Variants in TRPS1 observed in about 807,000 individuals in gnomAD.
The protein encoded by TRPS1 is zinc finger transcription factor Trps1.
In TRPS1, 6 loss-of-function variants were observed where a neutral mutation model predicts 101.2. That is an observed-to-expected ratio of 0.06 (90% CI 0.03 to 0.12). TRPS1 has a LOEUF of 0.12. TRPS1 is among the 10% of genes least tolerant of loss of function. TRPS1 has a pLI of 1.00. For synonymous variants in TRPS1, 578 were observed against 589.8 expected, an observed-to-expected ratio of 0.98 and a Z score of 0.29; for missense variants, 1,363 against 1,567.0, an observed-to-expected ratio of 0.87 and a Z score of 2.20.
Position 115,492,498 on chromosome 8 carries a change from C to T in TRPS1, c.2701-74046G>A, listed in dbSNP as rs75806961. On this transcript the variant is annotated intron_variant, in intron 5 of 6. Transcript: ENST00000395715. ...GTGTGTGTGCGTGCGTGTGCGTGTT[C>T]GTGTGTGTGTGTATGGGTTTAATTC... 4.9e-5 allele frequency among the ~76,000 whole-genome samples: 7 copies of T among 141,580 alleles called. No individual in the cohort carries two copies. The East Asian group carries it at 6.0e-4, about 12-fold the overall frequency. 92.9% of individuals were successfully genotyped at this position (141,580 alleles called of 152,430 possible).
At chr8:115,422,892 A>G (rs1813102294) in intron 5 of TRPS1, among the ~76,000 whole-genome samples, 1 of 152,208 alleles carries the variant, frequency 6.6e-6, no homozygotes, top group South Asian at 2.1e-4. Flanking sequence ...CATATGGATA[A>G]GATCAGTGCT....
chr8:115,619,538 C>T lies in TRPS1; in HGVS notation c.560G>A (p.Cys187Tyr), dbSNP rs2130532136. Residue 187 changes from cysteine to tyrosine, a missense_variant, in exon 3 of 7, where the codon TGT becomes TAT. Cys to Tyr is a radical substitution (Grantham distance 194). This residue lies in a region of TRPS1 where 1,020 missense variants were observed against 1,073.0 expected (regional missense o/e 0.95). Transcript: ENST00000395715. ...CACTGAAACTGGGCTCAAACCTTGACAATTGGCTTGACCACTCTGTGCTTG... is the reference window on the plus strand; with the variant it reads ...CACTGAAACTGGGCTCAAACCTTGATAATTGGCTTGACCACTCTGTGCTTG... Reference protein sequence around the residue: ...TGQAQSGQANCQGLSPVSVAS... With the variant: ...TGQAQSGQANYQGLSPVSVAS... The T allele has an allele frequency of 1.2e-6, 2 of 1,614,190 alleles. No homozygotes were observed. Among genetic ancestry groups the T allele is most frequent in the East Asian group, 4.5e-5 (2 of 44,880 alleles).
intron 5 of TRPS1, among the ~76,000 whole-genome samples, chr8:115,450,806 C>T (rs2129925507): frequency 6.6e-6 from 1 of 152,300 alleles, no homozygotes; most frequent in East Asian, 1.9e-4. Context: ...AGCCTTGGGA[C>T]AGCGTTTTAG....
intron 5 of TRPS1, among the ~76,000 whole-genome samples, chr8:115,551,797 A>G (rs969597809): frequency 6.6e-6 from 1 of 152,210 alleles, no homozygotes; most frequent in African/African-American, 2.4e-5. Context: ...CGGAAGTAAA[A>G]TGCATTTTAT....
At chr8:115,597,559 G>A (rs899626024) in intron 4 of TRPS1, among the ~76,000 whole-genome samples, 1 of 151,980 alleles carries the variant, frequency 6.6e-6, no homozygotes, top group African/African-American at 2.4e-5. Context: ...TACAGAATTT[G>A]TATATTTTTA....
intron 4 of TRPS1, 25 bp downstream of exon 4, chr8:115,603,847 TC>T: frequency 1.2e-6 from 2 of 1,613,284 alleles, no homozygotes; most frequent in Non-Finnish European, 1.7e-6. Flanking sequence ...TGTATATTCC[TC>T]CCGACCCCAC....
chr8:115,641,319 C>T (rs1337108887), intron 1 of TRPS1, among the ~76,000 whole-genome samples: 1 of 152,168 alleles, frequency 6.6e-6, no homozygotes, highest in South Asian at 2.1e-4. Flanking sequence ...CGCATTGTTT[C>T]TTGGCATTGC....
At chr8:115,472,469 G>A (rs1194704264) in intron 5 of TRPS1, among the ~76,000 whole-genome samples, 1 of 152,184 alleles carries the variant, frequency 6.6e-6, no homozygotes, top group Non-Finnish European at 1.5e-5. Flanking sequence ...GGCCTGTGAT[G>A]GAGGGGCTGC....
chr8:115,471,372 A>T (rs974022391), intron 5 of TRPS1, among the ~76,000 whole-genome samples: 2 of 152,312 alleles, frequency 1.3e-5, no homozygotes, highest in Admixed American at 6.5e-5. Flanking sequence ...AAGCCATCAG[A>T]TATCTTGTGA....
intron 1 of TRPS1, among the ~76,000 whole-genome samples, chr8:115,643,205 G>A (rs1818943358): frequency 6.6e-6 from 1 of 152,076 alleles, no homozygotes; most frequent in Non-Finnish European, 1.5e-5. Flanking sequence ...GCTGAAGCTG[G>A]GGGTGTCTAT....
chr8:115,549,560 C>A (rs1586391513), intron 5 of TRPS1, among the ~76,000 whole-genome samples: 1 of 151,850 alleles, frequency 6.6e-6, no homozygotes, highest in South Asian at 2.1e-4. Flanking sequence ...CTTTTGACAG[C>A]TGAAAAGGCT....
At chr8:115,621,271 T>C (rs1002204818) in intron 2 of TRPS1, among the ~76,000 whole-genome samples, 2 of 152,214 alleles carry the variant, frequency 1.3e-5, no homozygotes, top group Non-Finnish European at 1.5e-5. Context: ...TCACCCCAAA[T>C]GTCTCTTGGA....
chr8:115,413,719 T>C lies in TRPS1; in HGVS notation c.*304A>G, dbSNP rs1241128187. 1 of 308,770 alleles carries C rather than the reference T, an allele frequency of 3.2e-6. No homozygotes were observed. The highest frequency in any genetic ancestry group is 2.2e-5 in the African/African-American group (1 of 45,444). The allele number at this position is 308,770 out of a possible 1,614,324, so 19.1% of individuals were successfully genotyped here. A position where few individuals can be genotyped will look rare whatever the true frequency, so the allele number is the denominator to read the frequency against. The stretch of plus-strand genomic sequence containing the variant: ...TCTTTCTTTATAAATATATTAATTC[T>C]AGTCTGGTGATATCTCTTATGGATT... On this transcript the variant is annotated 3_prime_UTR_variant, in exon 7 of 7. Transcript: ENST00000395715.
intron 5 of TRPS1, chr8:115,492,113 A>G: frequency 2.3e-6 from 1 of 443,216 alleles, no homozygotes; most frequent in Non-Finnish European, 4.5e-6. Context: ...GAGATGAGAA[A>G]CAAAAAATCC....
chr8:115,539,433 ATTAT>A (rs1212718515), intron 5 of TRPS1, among the ~76,000 whole-genome samples: 1 of 152,182 alleles, frequency 6.6e-6, no homozygotes. Context: ...TCCTGATTTT[ATTAT>A]TTATTATTCA....
intron 5 of TRPS1, among the ~76,000 whole-genome samples, chr8:115,574,090 C>T (rs1380055119): frequency 6.6e-6 from 1 of 152,136 alleles, no homozygotes; most frequent in East Asian, 1.9e-4. Context: ...CTGTATATAA[C>T]TTGAGTACAG....
At chr8:115,477,287 A>G (rs1472159433) in intron 5 of TRPS1, among the ~76,000 whole-genome samples, 1 of 152,190 alleles carries the variant, frequency 6.6e-6, no homozygotes, top group Non-Finnish European at 1.5e-5. Context: ...AGCATAAGAA[A>G]TGTATTTTTT....
chr8:115,433,390 T>C (rs1421151774), intron 5 of TRPS1, among the ~76,000 whole-genome samples: 1 of 152,086 alleles, frequency 6.6e-6, no homozygotes, highest in Non-Finnish European at 1.5e-5. Context: ...TAATATATCC[T>C]AAAAATATCT....
intron 1 of TRPS1, among the ~76,000 whole-genome samples, chr8:115,665,484 A>C (rs1001282325): frequency 1.3e-5 from 2 of 152,174 alleles, no homozygotes; most frequent in Non-Finnish European, 2.9e-5. Flanking sequence ...TTATGAATGA[A>C]TATTTCCTTA....
Sources: allele counts gnomAD v4.1 joint callset (sites outside exome capture counted in the v4.1 genomes callset), GRCh38; gene constraint gnomAD v4.1.1; regional missense constraint gnomAD v4.1.1; transcripts MANE v1.5; gene names NCBI Gene and HGNC (gene_info 2026-07-23, HGNC 2026-07-21).